ACP7: variants seen among roughly 807,000 people sequenced by gnomAD.
ACP7 encodes acid phosphatase type 7.
A neutral mutation model predicts 60.6 loss-of-function variants in ACP7; 58 were observed. The ratio of observed to expected loss-of-function variants is 0.96; its 90% CI spans 0.77 to 1.19. ACP7 has a LOEUF of 1.19. ACP7 is among the 50% of genes most tolerant of loss of function. The pLI, the probability that ACP7 is intolerant of heterozygous loss-of-function variation, is 0.00. For synonymous variants in ACP7, 237 were observed against 232.6 expected (o/e 1.02, Z -0.17); for missense variants, 574 against 596.2 (o/e 0.96, Z 0.39).
rs2073311023 is a variant in ACP7, at chr19:39,099,210, G to GCAGGGAT, written c.505+68_505+69insCAGGGAT. The stretch of plus-strand genomic sequence containing the variant: ...CGCGCAGGGATGGTGGGGGGCGCGC[G>GCAGGGAT]GGTCGGGGGCGCGCGGGTCGGGGGC... On this transcript the variant is annotated intron_variant, in intron 4 of 12. Coordinates refer to ENST00000331256, the MANE Select transcript of ACP7 (RefSeq NM_001004318.3). The GCAGGGAT allele has an allele frequency of 9.3e-6, 13 of 1,394,472 alleles. No homozygotes were observed. In the African/African-American group the frequency reaches 2.0e-4, roughly 22 times the overall value. 86.4% of individuals were successfully genotyped at this position (1,394,472 alleles called of 1,614,324 possible). A position where few individuals can be genotyped will look rare whatever the true frequency, so the allele number is the denominator to read the frequency against.
intron 11 of ACP7, among the ~76,000 whole-genome samples, chr19:39,103,208 T>C (rs563381179): frequency 1.3e-5 from 2 of 152,306 alleles, no homozygotes; most frequent in Non-Finnish European, 2.9e-5. Context: ...GAGATCCTCT[T>C]GCAAGGCTGA....
At chr19:39,098,786 G>A in intron 3 of ACP7, 128 bp downstream of exon 3, 1 of 1,355,704 alleles carries the variant, frequency 7.4e-7, no homozygotes, top group Non-Finnish European at 9.9e-7. Flanking sequence ...CAAGCCTGTT[G>A]TATGAGACCC....
intron 2 of ACP7, among the ~76,000 whole-genome samples, chr19:39,085,852 G>A (rs1207968992): frequency 6.6e-6 from 1 of 152,148 alleles, no homozygotes; most frequent in African/African-American, 2.4e-5. Context: ...GTAAGAGCTT[G>A]GACTCTGGAC....
At chr19:39,093,421 T>G (rs1160561203) in intron 2 of ACP7, among the ~76,000 whole-genome samples, 1 of 151,924 alleles carries the variant, frequency 6.6e-6, no homozygotes, top group Non-Finnish European at 1.5e-5. Flanking sequence ...GCCCAGCTAA[T>G]TTTTATAGTT....
intron 11 of ACP7, among the ~76,000 whole-genome samples, chr19:39,102,917 A>G (rs1308789506): frequency 6.6e-6 from 1 of 150,834 alleles, no homozygotes; most frequent in Non-Finnish European, 1.5e-5. Flanking sequence ...GGCTCAATGC[A>G]ACCTCCACAT....
intron 12 of ACP7, 138 bp from the exon 13 acceptor site, chr19:39,109,915 A>G: frequency 2.7e-6 from 2 of 744,054 alleles, no homozygotes; most frequent in Non-Finnish European, 4.6e-6. Flanking sequence ...AGGAAAACTG[A>G]GGCCCAGAGA....
Position 39,100,808 on chromosome 19 carries a change from C to T in ACP7, c.762C>T (p.Arg254=). Residue 254 remains arginine (R), a synonymous_variant, in exon 7 of 13, where the codon CGC becomes CGT. Transcript: ENST00000331256. ...TCTATTTCTTTCTCCATTATGGCCG[C>T]CACTTGGTACAGAGGCAGTTTCGCT... ...TEVYFFLHYG[R]HLVQRQFRWL... The T allele has an allele frequency of 6.2e-7, 1 of 1,614,000 alleles. No individual in the cohort carries two copies. Among genetic ancestry groups the T allele is most frequent in the Non-Finnish European group, 8.5e-7 (1 of 1,179,996 alleles).
chr19:39,095,365 A>G (rs967137118), intron 2 of ACP7, among the ~76,000 whole-genome samples: 2 of 152,222 alleles, frequency 1.3e-5, no homozygotes, highest in Non-Finnish European at 2.9e-5. Flanking sequence ...CAAAGGCATT[A>G]CAGGGCCCAT....
intron 2 of ACP7, among the ~76,000 whole-genome samples, chr19:39,098,219 A>T (rs573728821): frequency 7.4e-6 from 1 of 135,852 alleles, no homozygotes; most frequent in East Asian, 2.4e-4. Context: ...GCACCACTGT[A>T]CTCCAGCCTA....
At chr19:39,096,949 A>C (rs537189154) in intron 2 of ACP7, among the ~76,000 whole-genome samples, 2 of 152,184 alleles carry the variant, frequency 1.3e-5, no homozygotes, top group East Asian at 1.9e-4. Context: ...CTACAGGCAC[A>C]TGCCACCACG....
intron 2 of ACP7, among the ~76,000 whole-genome samples, chr19:39,092,980 G>A (rs368573603): frequency 6.6e-6 from 1 of 151,788 alleles, no homozygotes; most frequent in African/African-American, 2.4e-5. Context: ...GTTTCACTAT[G>A]TTGGCCAGGT....
At chr19:39,104,752 G>A (rs1371063526) in intron 11 of ACP7, among the ~76,000 whole-genome samples, 1 of 152,000 alleles carries the variant, frequency 6.6e-6, no homozygotes, top group Admixed American at 6.6e-5. Flanking sequence ...GGGCATGGTG[G>A]TGGGCACCTG....
At position 39,098,622 on chromosome 19, in the gene ACP7, G is replaced by T; in HGVS notation, c.286G>T (p.Val96Phe). 1 of 1,613,296 alleles carries T rather than the reference G, an allele frequency of 6.2e-7. No homozygotes were observed. Among genetic ancestry groups the T allele is most frequent in the Non-Finnish European group, 8.5e-7 (1 of 1,179,616 alleles). Residue 96 changes from valine to phenylalanine, a missense_variant, in exon 3 of 13, where the codon GTC becomes TTC. Physicochemically the swap from Val to Phe is conservative, Grantham distance 50. Transcript: ENST00000331256. ...ILRRKLYIHR[V>F]TLRKLLPGVQ... ...CCGGCGGAAGCTCTACATACACCGA[G>T]TCACGCTTCGCAAGCTGCTGCCAGG...
chr19:39,094,917 G>A (rs2073249267), intron 2 of ACP7, among the ~76,000 whole-genome samples: 1 of 152,124 alleles, frequency 6.6e-6, no homozygotes. Flanking sequence ...GAGAAAATGA[G>A]GAAAAGCAGA....
chr19:39,093,136 CCTCA>C (rs1241534441), intron 2 of ACP7, among the ~76,000 whole-genome samples: 15 of 65,802 alleles, frequency 2.3e-4, no homozygotes, highest in African/African-American at 1.2e-3. Context: ...TTCCTTCTTC[CCTCA>C]CTCCTTTCTT....
intron 2 of ACP7, among the ~76,000 whole-genome samples, chr19:39,090,147 T>C (rs1353539211): frequency 2.0e-5 from 3 of 152,184 alleles, no homozygotes; most frequent in African/African-American, 2.4e-5. Flanking sequence ...TTCTTTTTTT[T>C]TCTTTTTAAA....
chr19:39,097,568 GAAAA>G (rs138172749), intron 2 of ACP7, among the ~76,000 whole-genome samples: 1 of 132,260 alleles, frequency 7.6e-6, no homozygotes, highest in African/African-American at 2.8e-5. Context: ...CTATCTCTAA[GAAAA>G]AAAAAAAAAA....
chr19:39,087,438 C>T (rs1462349649), intron 2 of ACP7, among the ~76,000 whole-genome samples: 3 of 152,032 alleles, frequency 2.0e-5, no homozygotes, highest in Admixed American at 6.6e-5. Flanking sequence ...CTTGCACAGA[C>T]ATGTGGTTGA....
At chr19:39,108,259 C>T (rs935843439) in intron 12 of ACP7, among the ~76,000 whole-genome samples, 1 of 151,746 alleles carries the variant, frequency 6.6e-6, no homozygotes, top group Non-Finnish European at 1.5e-5. Flanking sequence ...CCTACCTCAG[C>T]CTCCCGAGTA....
Sources: allele counts gnomAD v4.1 joint callset (sites outside exome capture counted in the v4.1 genomes callset), GRCh38; gene constraint gnomAD v4.1.1; transcripts MANE v1.5; gene names NCBI Gene and HGNC (gene_info 2026-07-23, HGNC 2026-07-21).